PTPRD: variants seen among roughly 807,000 people sequenced by gnomAD.
PTPRD encodes receptor-type tyrosine-protein phosphatase delta.
In PTPRD, 34 loss-of-function variants were observed where a neutral mutation model predicts 214.5. The ratio of observed to expected loss-of-function variants is 0.16; its 90% confidence interval spans 0.12 to 0.21. The LOEUF (loss-of-function observed/expected upper bound fraction) is 0.21, where lower values mean the gene tolerates loss of function less well. Among genes scored for constraint, PTPRD ranks in the 10% least tolerant of loss-of-function variants. The probability of loss-of-function intolerance (pLI) is 1.00; values close to 1 mark genes in which losing one functional copy is unlikely to be tolerated. For synonymous variants in PTPRD, 1,128 were observed against 845.7 expected (o/e 1.33, Z -5.79); for missense variants, 2,545 against 2,398.7 (o/e 1.06, Z -1.27).
chr9:8,810,821 G>C (rs2096787402), intron 11 of PTPRD, among the ~76,000 whole-genome samples: 1 of 152,122 alleles, frequency 6.6e-6, no homozygotes. Context: ...TCAACCATGG[G>C]GTCTTCGTGA....
intron 2 of PTPRD, among the ~76,000 whole-genome samples, chr9:10,603,971 A>C (rs891280361): frequency 6.6e-6 from 1 of 151,912 alleles, no homozygotes; most frequent in Non-Finnish European, 1.5e-5. Flanking sequence ...ACAATAGTAT[A>C]ATCTATTTAA....
chr9:9,048,938 T>C (rs929960019), intron 10 of PTPRD, among the ~76,000 whole-genome samples: 3 of 152,176 alleles, frequency 2.0e-5, no homozygotes, highest in African/African-American at 7.2e-5. Context: ...AATATATGCA[T>C]CTACTATGTA....
intron 12 of PTPRD, among the ~76,000 whole-genome samples, chr9:8,699,028 CTTT>C (rs2098005448): frequency 6.6e-6 from 1 of 152,120 alleles, no homozygotes; most frequent in Non-Finnish European, 1.5e-5. Context: ...TTCTTTTCTT[CTTT>C]AAGGATGGAT....
chr9:8,904,594 C>A (rs942896891), intron 11 of PTPRD, among the ~76,000 whole-genome samples: 4 of 151,612 alleles, frequency 2.6e-5, no homozygotes, highest in African/African-American at 9.7e-5. Context: ...ATCGCTTGAA[C>A]CCGGGAGGCA....
intron 11 of PTPRD, among the ~76,000 whole-genome samples, chr9:8,965,666 C>G (rs1209697015): frequency 1.3e-5 from 2 of 152,020 alleles, no homozygotes; most frequent in Admixed American, 1.3e-4. Flanking sequence ...CTATGACAAA[C>G]CCACAGTTAA....
intron 2 of PTPRD, among the ~76,000 whole-genome samples, chr9:10,465,159 C>A (rs1402564222): frequency 6.6e-6 from 1 of 152,090 alleles, no homozygotes; most frequent in Non-Finnish European, 1.5e-5. Flanking sequence ...AATAATGAAT[C>A]CTGGTTAGTA....
chr9:9,752,035 T>C (rs1046641018), intron 6 of PTPRD, among the ~76,000 whole-genome samples: 1 of 152,108 alleles, frequency 6.6e-6, no homozygotes. Flanking sequence ...TTTAGGAATT[T>C]AAATAAGAAA....
chr9:8,850,844 C>T (rs570240147), intron 11 of PTPRD, among the ~76,000 whole-genome samples: 2 of 152,322 alleles, frequency 1.3e-5, no homozygotes, highest in South Asian at 4.1e-4. Flanking sequence ...AGTAAGAAAT[C>T]ATTAGAGCAT....
At chr9:10,240,655 A>T (rs1384213663) in intron 3 of PTPRD, among the ~76,000 whole-genome samples, 1 of 151,958 alleles carries the variant, frequency 6.6e-6, no homozygotes, top group Non-Finnish European at 1.5e-5. Context: ...ATAATACAAA[A>T]TGACAAAATG....
intron 7 of PTPRD, among the ~76,000 whole-genome samples, chr9:9,611,761 A>G (rs1448270044): frequency 6.6e-6 from 1 of 152,116 alleles, no homozygotes; most frequent in Non-Finnish European, 1.5e-5. Context: ...ATTTAACAGT[A>G]AAAATATTAG....
intron 36 of PTPRD, among the ~76,000 whole-genome samples, chr9:8,391,214 G>A (rs1317091043): frequency 6.6e-6 from 1 of 151,934 alleles, no homozygotes; most frequent in Non-Finnish European, 1.5e-5. Context: ...CACTTGCAAT[G>A]ACTTTGACTG....
Position 10,482,239 on chromosome 9 carries a change from C to T in PTPRD, c.-600+130159G>A, listed in dbSNP as rs544939639. Among the ~76,000 whole-genome samples the T allele has an allele frequency of 1.9e-3, 285 of 151,782 alleles. 1 individual carries two copies. The Middle Eastern group carries it at 0.024, about 13-fold the overall frequency. ...ACAAAAAATTAGCCGGGCGTGGTGG[C>T]GGGTGCCTGTAGTCCCAGCTACTGA... On this transcript the variant is annotated intron_variant, in intron 2 of 45. Coordinates refer to ENST00000381196, the MANE Select transcript of PTPRD (RefSeq NM_002839.4).
chr9:9,235,207 C>G (rs1049664138), intron 9 of PTPRD, among the ~76,000 whole-genome samples: 3 of 152,016 alleles, frequency 2.0e-5, no homozygotes, highest in Non-Finnish European at 4.4e-5. Flanking sequence ...TTATGCAAAC[C>G]CAGTCACTAC....
Position 8,832,673 on chromosome 9 carries a change from A to G in PTPRD, c.-103-98727T>C, listed in dbSNP as rs141495748. 3.6e-4 allele frequency among the ~76,000 whole-genome samples: 55 copies of G among 152,236 alleles called. No individual in the cohort carries two copies. In the East Asian group the frequency reaches 9.9e-3, roughly 27 times the overall value. On this transcript the variant is annotated intron_variant, in intron 11 of 45. Transcript: ENST00000381196. ...AAGTTTGTGGTCACACTGCAGGATCACAAGACTTCACAAAGAGGATTATTT... is the reference window on the plus strand; with the variant it reads ...AAGTTTGTGGTCACACTGCAGGATCGCAAGACTTCACAAAGAGGATTATTT...
At chr9:8,661,115 T>G (rs2097038724) in intron 12 of PTPRD, among the ~76,000 whole-genome samples, 1 of 152,078 alleles carries the variant, frequency 6.6e-6, no homozygotes, top group African/African-American at 2.4e-5. Context: ...ATTGTATCTA[T>G]AAATACCCTG....
chr9:9,408,737 T>C (rs1025294893), intron 8 of PTPRD, among the ~76,000 whole-genome samples: 4 of 151,908 alleles, frequency 2.6e-5, no homozygotes, highest in African/African-American at 9.7e-5. Context: ...TGGGCTGTTT[T>C]TCTTATCTTT....
chr9:10,438,629 T>G (rs1378893737), intron 2 of PTPRD, among the ~76,000 whole-genome samples: 10 of 151,818 alleles, frequency 6.6e-5, no homozygotes, highest in South Asian at 6.2e-4. Context: ...ATTATCTCTA[T>G]TTATATAATT....
intron 6 of PTPRD, among the ~76,000 whole-genome samples, chr9:9,756,996 C>T (rs2098592960): frequency 1.3e-5 from 2 of 152,008 alleles, no homozygotes; most frequent in South Asian, 4.2e-4. Flanking sequence ...TCATAAAATA[C>T]TTTTATAGAA....
At chr9:8,642,646 T>C (rs912258959) in intron 12 of PTPRD, among the ~76,000 whole-genome samples, 6 of 150,976 alleles carry the variant, frequency 4.0e-5, no homozygotes, top group East Asian at 2.0e-4. Context: ...ATGCAGTGCA[T>C]AGCAGAAGAG....
Sources: gnomAD v4.1 joint callset for allele counts (sites outside exome capture counted in the v4.1 genomes callset) on GRCh38, gnomAD v4.1.1 for gene constraint, MANE v1.5 for transcripts, NCBI Gene and HGNC (gene_info 2026-07-23, HGNC 2026-07-21) for gene names.